Variants in PCDHA6 observed in about 807,000 individuals in gnomAD.
The protein encoded by PCDHA6 is protocadherin alpha-6.
In PCDHA6, 55 loss-of-function variants were observed where a neutral mutation model predicts 60.3. The ratio of observed to expected loss-of-function variants is 0.91; its 90% CI spans 0.73 to 1.14. The LOEUF (loss-of-function observed/expected upper bound fraction) is 1.14. Among genes scored for constraint, PCDHA6 ranks in the 50% most tolerant of loss-of-function variants. The probability of loss-of-function intolerance (pLI) is 0.00; values close to 1 mark genes in which losing one functional copy is unlikely to be tolerated. For missense variants in PCDHA6, 1,327 were observed against 1,256.5 expected, an observed-to-expected ratio of 1.06 and a Z score of -0.85; for synonymous variants, 652 against 557.9, an observed-to-expected ratio of 1.17 and a Z score of -2.38.
At chr5:140,854,853 C>G (rs1441066752) in intron 1 of PCDHA6, among the ~76,000 whole-genome samples, 1 of 149,620 alleles carries the variant, frequency 6.7e-6, no homozygotes, top group Non-Finnish European at 1.5e-5. Flanking sequence ...GATAAAATTA[C>G]TAGATATATT....
chr5:140,970,096 T>C (rs2096383552), intron 1 of PCDHA6, among the ~76,000 whole-genome samples: 1 of 152,066 alleles, frequency 6.6e-6, no homozygotes, highest in South Asian at 2.1e-4. Flanking sequence ...GGGGGGATGG[T>C]GAAGACCAAG....
chr5:140,937,795 C>T (rs1472022589), intron 1 of PCDHA6, among the ~76,000 whole-genome samples: 1 of 151,670 alleles, frequency 6.6e-6, no homozygotes, highest in Non-Finnish European at 1.5e-5. Context: ...GTATGTAGTC[C>T]CAGCTACTCG....
At chr5:140,916,688 C>G (rs1422583302) in intron 1 of PCDHA6, among the ~76,000 whole-genome samples, 3 of 152,180 alleles carry the variant, frequency 2.0e-5, no homozygotes, top group Admixed American at 6.5e-5. Flanking sequence ...TTACTCTTTT[C>G]TCTCCTCTCC....
chr5:140,884,802 A>G, intron 1 of PCDHA6: 1 of 1,232,140 alleles, frequency 8.1e-7, no homozygotes, highest in Non-Finnish European at 1.1e-6. Flanking sequence ...GAATTTAACA[A>G]CTCTGCTGTG....
At chr5:140,977,023 G>T (rs1554238168) in intron 1 of PCDHA6, among the ~76,000 whole-genome samples, 1 of 152,148 alleles carries the variant, frequency 6.6e-6, no homozygotes, top group Non-Finnish European at 1.5e-5. Flanking sequence ...TCTGTCAAAT[G>T]AATCTAAGAA....
At position 140,835,620 on chromosome 5, in the gene PCDHA6, C is replaced by G; in HGVS notation, c.2394+5135C>G. 3.7e-6 allele frequency: 6 copies of G among 1,613,942 alleles called. No homozygotes were observed. The South Asian group carries it at 5.5e-5, about 15-fold the overall frequency. On this transcript the variant is annotated intron_variant, in intron 1 of 3. Transcript: ENST00000529310. Reference sequence around the variant, plus strand: ...CTATTCATTGGTGCTGGACAGCGCTCTGGACCGCGAGAGTGTGTCCGCCTA... The same window carrying G: ...CTATTCATTGGTGCTGGACAGCGCTGTGGACCGCGAGAGTGTGTCCGCCTA...
At chr5:141,002,610 C>T (rs1191320958) in intron 3 of PCDHA6, among the ~76,000 whole-genome samples, 1 of 152,200 alleles carries the variant, frequency 6.6e-6, no homozygotes, top group Non-Finnish European at 1.5e-5. Context: ...ATAAAACAGA[C>T]ACATAACACA....
intron 1 of PCDHA6, chr5:140,928,585 G>C: frequency 2.5e-6 from 4 of 1,614,194 alleles, no homozygotes; most frequent in Non-Finnish European, 3.4e-6. Flanking sequence ...AAATGGTTCT[G>C]TCCCAGTGGA....
chr5:140,875,889 G>C, intron 1 of PCDHA6: 1 of 1,614,174 alleles, frequency 6.2e-7, no homozygotes, highest in South Asian at 1.1e-5. Context: ...GGGAACAAAA[G>C]GTACCTGTTT....
intron 1 of PCDHA6, chr5:140,856,597 C>T: frequency 6.3e-7 from 1 of 1,597,412 alleles, no homozygotes; most frequent in East Asian, 2.2e-5. Context: ...ATATTATAAA[C>T]AAAAAAGACA....
At chr5:140,897,833 C>T (rs1366388258) in intron 1 of PCDHA6, among the ~76,000 whole-genome samples, 14 of 152,138 alleles carry the variant, frequency 9.2e-5, no homozygotes, top group African/African-American at 3.4e-4. Flanking sequence ...TATTTCTCCA[C>T]ATCCTCTCCA....
intron 1 of PCDHA6, chr5:140,882,876 A>G (rs1554175925): frequency 6.2e-7 from 1 of 1,614,238 alleles, no homozygotes. Flanking sequence ...CTGGACAGAG[A>G]GGAAATTCAG....
chr5:140,844,506 G>T (rs1779414039), intron 1 of PCDHA6, among the ~76,000 whole-genome samples: 1 of 148,856 alleles, frequency 6.7e-6, no homozygotes, highest in South Asian at 2.1e-4. Context: ...CTTTATTCTT[G>T]CAAGTATCTT....
intron 1 of PCDHA6, chr5:140,857,752 C>A: frequency 6.3e-7 from 1 of 1,597,166 alleles, no homozygotes; most frequent in Non-Finnish European, 8.6e-7. Flanking sequence ...TGGCGTCTCC[C>A]GCTGGCAGCG....
intron 1 of PCDHA6, chr5:140,926,972 C>G (rs782504064): frequency 1.3e-5 from 21 of 1,609,464 alleles, no homozygotes; most frequent in Non-Finnish European, 1.7e-5. Context: ...TACTCAGTGC[C>G]GGAGGAGACG....
At chr5:140,959,544 T>C (rs2095494180) in intron 1 of PCDHA6, among the ~76,000 whole-genome samples, 1 of 152,208 alleles carries the variant, frequency 6.6e-6, no homozygotes, top group Non-Finnish European at 1.5e-5. Context: ...AGAGATGCTG[T>C]ATAAATAGAA....
At chr5:140,931,901 T>G (rs2087840006) in intron 1 of PCDHA6, among the ~76,000 whole-genome samples, 1 of 151,938 alleles carries the variant, frequency 6.6e-6, no homozygotes, top group South Asian at 2.1e-4. Flanking sequence ...TCAAATCATT[T>G]GAAAAGCATG....
chr5:140,837,517 T>G (rs11420784), intron 1 of PCDHA6, among the ~76,000 whole-genome samples: 2 of 28,958 alleles, frequency 6.9e-5, no homozygotes, highest in African/African-American at 3.1e-4. Context: ...AGCAGTTTAC[T>G]TTTTTTGTAT....
At chr5:140,876,475 A>G (rs1385416022) in intron 1 of PCDHA6, 1 of 1,614,054 alleles carries the variant, frequency 6.2e-7, no homozygotes, top group Non-Finnish European at 8.5e-7. Context: ...AGGTCACAGC[A>G]TGGTCCTGGT....
Sources: gnomAD v4.1 joint callset for allele counts (sites outside exome capture counted in the v4.1 genomes callset) on GRCh38, gnomAD v4.1.1 for gene constraint, MANE v1.5 for transcripts, NCBI Gene and HGNC (gene_info 2026-07-23, HGNC 2026-07-21) for gene names.